CAMK1D: variants seen among roughly 807,000 people sequenced by gnomAD.
CAMK1D encodes calcium/calmodulin dependent protein kinase ID, also known as calcium/calmodulin-dependent protein kinase type 1D.
In CAMK1D, 9 loss-of-function variants were observed where a neutral mutation model predicts 47.7. The observed-to-expected ratio is 0.19, with a 90% confidence interval of 0.11 to 0.33. CAMK1D has a LOEUF of 0.33. Among genes scored for constraint, CAMK1D ranks in the 10% least tolerant of loss-of-function variants. CAMK1D has a pLI of 1.00. For missense variants in CAMK1D, 291 were observed against 488.7 expected (o/e 0.60, Z 3.81); for synonymous variants, 184 against 184.9 (o/e 0.99, Z 0.04).
At chr10:12,728,032 T>C (rs113028049) in intron 3 of CAMK1D, among the ~76,000 whole-genome samples, 3,477 of 152,160 alleles carry the variant, frequency 0.023, 142 homozygotes, top group African/African-American at 0.076. Context: ...TCCTAAAGTG[T>C]GGGGATTACA....
At chr10:12,757,268 C>T (rs548527259) in intron 3 of CAMK1D, among the ~76,000 whole-genome samples, 13 of 152,170 alleles carry the variant, frequency 8.5e-5, no homozygotes, top group South Asian at 4.2e-4. Context: ...CCACTGTGCC[C>T]GGCCTCATTT....
At chr10:12,366,099 C>T (rs1175618654) in intron 1 of CAMK1D, among the ~76,000 whole-genome samples, 1 of 152,202 alleles carries the variant, frequency 6.6e-6, no homozygotes, top group African/African-American at 2.4e-5. Flanking sequence ...GTCACATTCA[C>T]CTCTTGAAAC....
At chr10:12,622,365 C>T (rs1179941199) in intron 2 of CAMK1D, among the ~76,000 whole-genome samples, 1 of 152,022 alleles carries the variant, frequency 6.6e-6, no homozygotes, top group East Asian at 1.9e-4. Flanking sequence ...TTGGTCTGAG[C>T]CCATTGGTGT....
intron 6 of CAMK1D, among the ~76,000 whole-genome samples, chr10:12,792,596 A>G (rs1435156782): frequency 6.6e-6 from 1 of 152,170 alleles, no homozygotes; most frequent in Non-Finnish European, 1.5e-5. Flanking sequence ...CCACTACACC[A>G]CCACCACATT....
chr10:12,472,034 CAA>C (rs60064606), intron 1 of CAMK1D, among the ~76,000 whole-genome samples: 29 of 94,634 alleles, frequency 3.1e-4, no homozygotes, highest in South Asian at 1.1e-3. Context: ...GACTCTGTCT[CAA>C]AAAAAAAAAA....
chr10:12,495,685 C>T (rs1489818991), intron 1 of CAMK1D, among the ~76,000 whole-genome samples: 1 of 152,132 alleles, frequency 6.6e-6, no homozygotes, highest in Non-Finnish European at 1.5e-5. Flanking sequence ...ACAGGTTACA[C>T]TAATAGAATC....
At chr10:12,502,189 A>T (rs1157056040) in intron 1 of CAMK1D, among the ~76,000 whole-genome samples, 3 of 152,202 alleles carry the variant, frequency 2.0e-5, no homozygotes, top group Non-Finnish European at 4.4e-5. Context: ...AATGAGAGAC[A>T]TCGCAGACCG....
intron 2 of CAMK1D, among the ~76,000 whole-genome samples, chr10:12,582,945 A>C (rs1338217450): frequency 6.6e-6 from 1 of 152,178 alleles, no homozygotes; most frequent in Non-Finnish European, 1.5e-5. Context: ...ATTGGATAAA[A>C]ACAATTTTTT....
At position 12,816,309 on chromosome 10, in the gene CAMK1D, C is replaced by G; in HGVS notation, c.814C>G (p.Gln272Glu). 4 of 1,613,588 alleles carry G rather than the reference C, an allele frequency of 2.5e-6. No individual in the cohort carries two copies. The highest frequency in any genetic ancestry group is 3.4e-6 in the Non-Finnish European group (4 of 1,179,728). The change falls in exon 8 of 11, where the codon CAG (glutamine) becomes GAG (glutamate). Residue 272 changes from glutamine (Q) to glutamate (E), a missense_variant. Around this residue, in one of 2 missense-constraint regions of CAMK1D, gnomAD observed 219 missense variants for 424.3 expected, o/e 0.52. Coordinates refer to ENST00000619168, the MANE Select transcript of CAMK1D (RefSeq NM_153498.4). ...KDPNKRYTCE[Q>E]AARHPWIAGD... is the part of the protein sequence containing the mutation. ...CCCGAATAAAAGATACACGTGTGAG[C>G]AGGCAGCTCGGCACCCATGGTAAGG...
At chr10:12,568,532 C>A (rs1837216329) in intron 2 of CAMK1D, among the ~76,000 whole-genome samples, 2 of 125,504 alleles carry the variant, frequency 1.6e-5, no homozygotes, top group South Asian at 7.5e-4. Flanking sequence ...CCTCCCCTCA[C>A]CTTTCTTCCT....
chr10:12,673,098 T>C (rs992118587), intron 3 of CAMK1D, among the ~76,000 whole-genome samples: 1 of 152,140 alleles, frequency 6.6e-6, no homozygotes, highest in Admixed American at 6.5e-5. Context: ...TTGCCCAGGC[T>C]GGTCTCGAAT....
intron 1 of CAMK1D, among the ~76,000 whole-genome samples, chr10:12,352,740 C>CTT (rs760701327): frequency 2.8e-4 from 15 of 54,164 alleles, no homozygotes; most frequent in Non-Finnish European, 4.0e-4. Flanking sequence ...TGTGGACTTT[C>CTT]TTTTTTTTTT....
chr10:12,675,825 G>A (rs764455615), intron 3 of CAMK1D, among the ~76,000 whole-genome samples: 3 of 152,086 alleles, frequency 2.0e-5, no homozygotes, highest in Non-Finnish European at 4.4e-5. Context: ...CCTTTCTTTC[G>A]TTCAGCTGCA....
intron 3 of CAMK1D, among the ~76,000 whole-genome samples, chr10:12,679,311 A>AG (rs1378586805): frequency 2.6e-5 from 4 of 152,234 alleles, no homozygotes; most frequent in Admixed American, 2.6e-4. Context: ...TAGAATATAA[A>AG]GCATCAATTT....
chr10:12,374,098 A>G (rs1838095062), intron 1 of CAMK1D, among the ~76,000 whole-genome samples: 2 of 151,472 alleles, frequency 1.3e-5, no homozygotes, highest in South Asian at 4.2e-4. Flanking sequence ...CGTCTCTACT[A>G]AAAATATAGA....
chr10:12,434,693 C>A (rs1832577595), intron 1 of CAMK1D, among the ~76,000 whole-genome samples: 1 of 152,224 alleles, frequency 6.6e-6, no homozygotes, highest in South Asian at 2.1e-4. Flanking sequence ...GTTTTCAAAT[C>A]TGTTAAATAA....
intron 1 of CAMK1D, among the ~76,000 whole-genome samples, chr10:12,363,047 TCTC>T (rs1837725373): frequency 6.6e-6 from 1 of 151,128 alleles, no homozygotes; most frequent in Non-Finnish European, 1.5e-5. Context: ...TACAAGCAAT[TCTC>T]CTGTCTCAGC....
intron 2 of CAMK1D, among the ~76,000 whole-genome samples, chr10:12,577,750 A>G (rs1477850141): frequency 6.6e-6 from 1 of 152,248 alleles, no homozygotes; most frequent in Non-Finnish European, 1.5e-5. Flanking sequence ...CCAATGCCCC[A>G]TAACGGGGTA....
At chr10:12,824,752 A>G in intron 9 of CAMK1D, among the ~76,000 whole-genome samples, 200 bp downstream of exon 9, 1 of 152,224 alleles carries the variant, frequency 6.6e-6, no homozygotes, top group Non-Finnish European at 1.5e-5. Flanking sequence ...CTGTGATCAA[A>G]GACAGCAATA....
Sources: gnomAD v4.1 joint callset for allele counts (sites outside exome capture counted in the v4.1 genomes callset) on GRCh38, gnomAD v4.1.1 for gene constraint, gnomAD v4.1.1 regional missense constraint, MANE v1.5 for transcripts, NCBI Gene and HGNC (gene_info 2026-07-23, HGNC 2026-07-21) for gene names.